Variants in CADM2 observed in about 807,000 individuals in gnomAD.
CADM2 encodes immunoglobulin superfamily member 4D.
A neutral mutation model predicts 49.8 loss-of-function variants in CADM2; 12 were observed. That is an observed-to-expected ratio of 0.24 (90% CI 0.15 to 0.39). The LOEUF is 0.39. Among genes scored for constraint, CADM2 ranks in the 10% least tolerant of loss-of-function variants. CADM2 has a pLI of 1.00. For synonymous variants in CADM2, 214 were observed against 175.4 expected (o/e 1.22, Z -1.74); for missense variants, 378 against 492.3 (o/e 0.77, Z 2.20).
At chr3:86,033,244 C>A (rs980366121) in intron 8 of CADM2, among the ~76,000 whole-genome samples, 6 of 151,982 alleles carry the variant, frequency 3.9e-5, no homozygotes, top group African/African-American at 1.4e-4. Flanking sequence ...ATTTCATGGT[C>A]TTTATCTTAC....
At chr3:85,621,047 AGG>A (rs2107488652) in intron 1 of CADM2, among the ~76,000 whole-genome samples, 1 of 152,232 alleles carries the variant, frequency 6.6e-6, no homozygotes, top group South Asian at 2.1e-4. Context: ...TAATTTTTTA[AGG>A]TAATATTCTT....
intron 1 of CADM2, among the ~76,000 whole-genome samples, chr3:85,233,374 AC>A (rs1352274067): frequency 6.6e-6 from 1 of 152,080 alleles, no homozygotes; most frequent in Admixed American, 6.6e-5. Flanking sequence ...CCCTAAGGTA[AC>A]CATGGACCTT....
At chr3:85,471,298 A>G (rs946689832) in intron 1 of CADM2, among the ~76,000 whole-genome samples, 1 of 152,138 alleles carries the variant, frequency 6.6e-6, no homozygotes, top group African/African-American at 2.4e-5. Context: ...CAGGAAGTAG[A>G]AAAGAGCTTG....
chr3:85,581,542 G>A (rs149217931), intron 1 of CADM2, among the ~76,000 whole-genome samples: 1 of 151,930 alleles, frequency 6.6e-6, no homozygotes, highest in African/African-American at 2.4e-5. Context: ...CATTTTAAAA[G>A]TATATTTTTT....
chr3:85,288,657 G>A lies in CADM2; in HGVS notation c.61+328989G>A, dbSNP rs540725027. Among the ~76,000 whole-genome samples, 42 of 152,134 alleles carry A rather than the reference G, an allele frequency of 2.8e-4. No homozygotes were observed. The East Asian group carries it at 8.1e-3, about 29-fold the overall frequency. Reference sequence around the variant, plus strand: ...GCTCAGCTATACCTGATCTGTAGGTGCACATGCAAAATTCAGTGATAAGAT... The same window carrying A: ...GCTCAGCTATACCTGATCTGTAGGTACACATGCAAAATTCAGTGATAAGAT... On this transcript the variant is annotated intron_variant, in intron 1 of 9. Transcript: ENST00000383699.
chr3:85,565,065 C>G (rs918574029), intron 1 of CADM2, among the ~76,000 whole-genome samples: 1 of 152,026 alleles, frequency 6.6e-6, no homozygotes, highest in African/African-American at 2.4e-5. Context: ...AAGCAATTAG[C>G]TGGGTTATGG....
At chr3:85,497,493 A>C (rs1214151084) in intron 1 of CADM2, among the ~76,000 whole-genome samples, 1 of 152,158 alleles carries the variant, frequency 6.6e-6, no homozygotes, top group African/African-American at 2.4e-5. Context: ...AAAAAGATGA[A>C]TATAAAAGAG....
At chr3:85,043,597 T>C (rs1397650081) in intron 1 of CADM2, among the ~76,000 whole-genome samples, 1 of 152,040 alleles carries the variant, frequency 6.6e-6, no homozygotes, top group Non-Finnish European at 1.5e-5. Flanking sequence ...GAGGATCTCT[T>C]GAGTTCTGGA....
intron 1 of CADM2, among the ~76,000 whole-genome samples, chr3:85,541,741 ATATTT>A (rs1338041462): frequency 5.4e-5 from 3 of 55,766 alleles, no homozygotes; most frequent in East Asian, 4.8e-3. Flanking sequence ...TTTTATATAT[ATATTT>A]TATATATTTT....
intron 7 of CADM2, among the ~76,000 whole-genome samples, chr3:85,947,480 A>G (rs891432441): frequency 1.3e-5 from 2 of 151,540 alleles, no homozygotes; most frequent in African/African-American, 4.8e-5. Context: ...ATTAAAAGCA[A>G]TATAGTCAGT....
chr3:85,223,025 G>T (rs1378595141), intron 1 of CADM2, among the ~76,000 whole-genome samples: 1 of 152,048 alleles, frequency 6.6e-6, no homozygotes, highest in Non-Finnish European at 1.5e-5. Context: ...CCCTATTCTA[G>T]ATAGTAACTG....
intron 1 of CADM2, among the ~76,000 whole-genome samples, chr3:85,702,428 A>ATGAT (rs1160552193): frequency 6.6e-6 from 1 of 152,138 alleles, no homozygotes; most frequent in African/African-American, 2.4e-5. Flanking sequence ...GGCTTAAAAA[A>ATGAT]TGATTGTGAA....
At chr3:85,197,765 T>C (rs1239072398) in intron 1 of CADM2, among the ~76,000 whole-genome samples, 4 of 151,968 alleles carry the variant, frequency 2.6e-5, no homozygotes, top group African/African-American at 4.8e-5. Context: ...TGTTTATTTC[T>C]TATCATGATG....
At chr3:85,312,416 T>C (rs920696742) in intron 1 of CADM2, among the ~76,000 whole-genome samples, 2 of 152,138 alleles carry the variant, frequency 1.3e-5, no homozygotes, top group Non-Finnish European at 2.9e-5. Context: ...GTAAATTGAC[T>C]AGACATTGAA....
chr3:85,343,959 G>A (rs188960751), intron 1 of CADM2, among the ~76,000 whole-genome samples: 1 of 152,238 alleles, frequency 6.6e-6, no homozygotes, highest in African/African-American at 2.4e-5. Flanking sequence ...AGTGCATGAA[G>A]CATTTTTACA....
At chr3:85,125,995 G>T (rs935931555) in intron 1 of CADM2, among the ~76,000 whole-genome samples, 1 of 151,980 alleles carries the variant, frequency 6.6e-6, no homozygotes, top group Admixed American at 6.6e-5. Flanking sequence ...TTATTTTCTA[G>T]ATATTTGCAG....
intron 5 of CADM2, among the ~76,000 whole-genome samples, chr3:85,905,038 A>C (rs1163884600): frequency 6.6e-6 from 1 of 152,142 alleles, no homozygotes; most frequent in Non-Finnish European, 1.5e-5. Flanking sequence ...GAAAAGATTT[A>C]ACAGCTAGGT....
intron 1 of CADM2, among the ~76,000 whole-genome samples, chr3:85,644,535 A>G (rs1037940400): frequency 6.6e-6 from 1 of 152,134 alleles, no homozygotes; most frequent in African/African-American, 2.4e-5. Flanking sequence ...GGTTACTTTC[A>G]CTGCCCAGTA....
chr3:85,285,017 G>T (rs746698272), intron 1 of CADM2, among the ~76,000 whole-genome samples: 1 of 152,092 alleles, frequency 6.6e-6, no homozygotes, highest in Non-Finnish European at 1.5e-5. Context: ...ACTTTGATGG[G>T]ATAGCAGTAA....
Sources: gnomAD v4.1 joint callset for allele counts (sites outside exome capture counted in the v4.1 genomes callset) on GRCh38, gnomAD v4.1.1 for gene constraint, MANE v1.5 for transcripts, NCBI Gene and HGNC (gene_info 2026-07-23, HGNC 2026-07-21) for gene names.